Variants in SHANK2 observed in about 807,000 individuals in gnomAD.
SHANK2 encodes SH3 and multiple ankyrin repeat domains protein 2.
Under a neutral mutation model 133.7 loss-of-function variants are expected in SHANK2, and 43 were observed. The observed-to-expected ratio is 0.32, with a 90% CI of 0.25 to 0.41. The LOEUF (loss-of-function observed/expected upper bound fraction) is 0.41, where lower values mean the gene tolerates loss of function less well. Among genes scored for constraint, SHANK2 ranks in the 10% least tolerant of loss-of-function variants. The probability of loss-of-function intolerance (pLI) is 1.00; values close to 1 mark genes in which losing one functional copy is unlikely to be tolerated. For missense variants in SHANK2, 1,994 were observed against 2,235.8 expected (o/e 0.89, Z 2.18); for synonymous variants, 1,017 against 952.8 (o/e 1.07, Z -1.24).
intron 17 of SHANK2, among the ~76,000 whole-genome samples, chr11:70,542,893 T>C (rs1462272405): frequency 6.6e-6 from 1 of 152,112 alleles, no homozygotes; most frequent in East Asian, 1.9e-4. Flanking sequence ...ATTTCTCTAG[T>C]ATCTCAAGGG....
chr11:71,105,803 C>T (rs1391221675), intron 6 of SHANK2, among the ~76,000 whole-genome samples: 1 of 152,068 alleles, frequency 6.6e-6, no homozygotes, highest in Non-Finnish European at 1.5e-5. Flanking sequence ...GGTACAACTC[C>T]AGGCGTAAAC....
intron 14 of SHANK2, among the ~76,000 whole-genome samples, chr11:70,763,330 G>A (rs1024506708): frequency 2.2e-5 from 3 of 138,520 alleles, no homozygotes; most frequent in African/African-American, 7.3e-5. Flanking sequence ...CCATCCCCAT[G>A]GGACAGCAGG....
chr11:70,817,194 C>T (rs1157327139), intron 12 of SHANK2, among the ~76,000 whole-genome samples: 1 of 152,234 alleles, frequency 6.6e-6, no homozygotes, highest in African/African-American at 2.4e-5. Context: ...ATGCTCACCA[C>T]TGCTGTCCCA....
chr11:70,901,631 A>T (rs1440651769), intron 10 of SHANK2, among the ~76,000 whole-genome samples: 1 of 152,212 alleles, frequency 6.6e-6, no homozygotes, highest in Non-Finnish European at 1.5e-5. Flanking sequence ...TACGGCCATA[A>T]TGCAACCTTG....
At chr11:70,583,999 AC>A (rs1554986110) in intron 17 of SHANK2, among the ~76,000 whole-genome samples, 1 of 151,846 alleles carries the variant, frequency 6.6e-6, no homozygotes, top group African/African-American at 2.4e-5. Context: ...TGGCCTGACC[AC>A]CGTGCATGAC....
intron 17 of SHANK2, among the ~76,000 whole-genome samples, chr11:70,584,074 A>G (rs1249407808): frequency 2.0e-5 from 3 of 151,994 alleles, no homozygotes; most frequent in Non-Finnish European, 4.4e-5. Context: ...GAGCCATTCA[A>G]TTATCGGCCG....
intron 2 of SHANK2, among the ~76,000 whole-genome samples, chr11:71,152,006 A>C (rs1396883898): frequency 6.6e-6 from 1 of 152,242 alleles, no homozygotes; most frequent in African/African-American, 2.4e-5. Context: ...CTCTGGCCAC[A>C]GCTGGTAGGT....
intron 14 of SHANK2, among the ~76,000 whole-genome samples, chr11:70,787,726 C>T (rs1480522434): frequency 9.2e-5 from 14 of 152,094 alleles, no homozygotes; most frequent in African/African-American, 3.4e-4. Flanking sequence ...CACCACCACC[C>T]CTGGTCCCTG....
rs566867192 is a variant in SHANK2, at chr11:70,469,405, CTGTT to C, written c.*3460_*3463del. 213 of 152,588 alleles carry C rather than the reference CTGTT, an allele frequency of 1.4e-3. 1 individual carries two copies. Among genetic ancestry groups the C allele is most frequent in the African/African-American group, 5.0e-3 (206 of 41,506 alleles). The allele number at this position is 152,588 out of a possible 1,614,324, so 9.5% of individuals were successfully genotyped here. Reference sequence around the variant, plus strand: ...TTTTGTTTAATTCAGACAGTGTTCACTGTTTGTTTGCAATCAGAACCACAACCTT... The same window carrying C: ...TTTTGTTTAATTCAGACAGTGTTCACTGTTTGCAATCAGAACCACAACCTT... On this transcript the variant is annotated 3_prime_UTR_variant, in exon 26 of 26. Coordinates refer to ENST00000601538, the MANE Select transcript of SHANK2 (RefSeq NM_012309.5).
At chr11:70,696,308 T>C (rs909346331) in intron 15 of SHANK2, among the ~76,000 whole-genome samples, 2 of 152,188 alleles carry the variant, frequency 1.3e-5, no homozygotes, top group Non-Finnish European at 1.5e-5. Flanking sequence ...TACAACACCC[T>C]AGCCAGCTTT....
intron 11 of SHANK2, chr11:70,863,860 G>A (rs1555068456): frequency 2.2e-6 from 1 of 457,630 alleles, no homozygotes; most frequent in African/African-American, 2.0e-5. Context: ...ACAGCCACCT[G>A]CAAGCCAGGA....
intron 12 of SHANK2, among the ~76,000 whole-genome samples, chr11:70,816,350 G>C (rs965730893): frequency 6.6e-6 from 1 of 152,232 alleles, no homozygotes; most frequent in Admixed American, 6.5e-5. Context: ...CTGCTTGGGG[G>C]ATGTTCAGCA....
intron 17 of SHANK2, chr11:70,634,691 T>C (rs1034257705): frequency 2.0e-5 from 3 of 152,068 alleles, no homozygotes. Flanking sequence ...CAAAACCCCA[T>C]CTCCACTAAA....
At chr11:70,853,176 G>A (rs1277037476) in intron 11 of SHANK2, among the ~76,000 whole-genome samples, 1 of 152,242 alleles carries the variant, frequency 6.6e-6, no homozygotes, top group Middle Eastern at 3.2e-3. Flanking sequence ...GTGAAGTTGG[G>A]GGAAATGAAA....
intron 4 of SHANK2, among the ~76,000 whole-genome samples, chr11:71,116,498 C>T (rs146666401): frequency 7.3e-4 from 111 of 152,362 alleles, no homozygotes; most frequent in Middle Eastern, 3.4e-3. Flanking sequence ...GGATCAGCCA[C>T]TTCTGGAGGG....
intron 21 of SHANK2, among the ~76,000 whole-genome samples, chr11:70,493,160 AGTTTTTTTTTTTGTTTGTTTTT>A: frequency 6.7e-6 from 1 of 148,476 alleles, no homozygotes; most frequent in South Asian, 2.1e-4. Flanking sequence ...GACTTTTTGA[AGTTTTTTTTTTTGTTTGTTTTT>A]GTTTTTTTTT....
intron 21 of SHANK2, among the ~76,000 whole-genome samples, chr11:70,498,298 C>T (rs958664550): frequency 6.6e-6 from 1 of 152,236 alleles, no homozygotes; most frequent in Admixed American, 6.5e-5. Context: ...ACAGAAGCCG[C>T]GTGTGTTAGA....
intron 8 of SHANK2, among the ~76,000 whole-genome samples, chr11:71,087,163 G>A (rs1951430701): frequency 1.3e-5 from 2 of 152,186 alleles, no homozygotes; most frequent in Admixed American, 1.3e-4. Context: ...CAAAGCGCAG[G>A]GCCTCAGGGA....
chr11:70,700,350 C>A (rs944421786), intron 14 of SHANK2, among the ~76,000 whole-genome samples: 5 of 152,204 alleles, frequency 3.3e-5, no homozygotes, highest in African/African-American at 1.2e-4. Flanking sequence ...GGGCACACTC[C>A]ACTTCGCAGG....
Sources: allele counts gnomAD v4.1 joint callset (sites outside exome capture counted in the v4.1 genomes callset), GRCh38; gene constraint gnomAD v4.1.1; transcripts MANE v1.5; gene names NCBI Gene and HGNC (gene_info 2026-07-23, HGNC 2026-07-21).